Variants in KLHL2 observed in about 807,000 individuals in gnomAD.
The protein encoded by KLHL2 is kelch-like protein 2.
A neutral mutation model predicts 75.8 loss-of-function variants in KLHL2; 15 were observed. The ratio of observed to expected loss-of-function variants is 0.20; its 90% CI spans 0.13 to 0.30. The LOEUF (loss-of-function observed/expected upper bound fraction) is 0.30. KLHL2 is among the 10% of genes least tolerant of loss of function. KLHL2 has a pLI of 1.00. For missense variants in KLHL2, 381 were observed against 741.0 expected, an observed-to-expected ratio of 0.51 and a Z score of 5.64; for synonymous variants, 214 against 251.9, an observed-to-expected ratio of 0.85 and a Z score of 1.42.
chr4:165,248,877 A>T (rs1002620332), intron 4 of KLHL2, among the ~76,000 whole-genome samples: 7 of 152,194 alleles, frequency 4.6e-5, no homozygotes, highest in Non-Finnish European at 7.3e-5. Context: ...AACAGTAGAG[A>T]TGTAACTGAA....
chr4:165,219,697 T>A (rs1737832621), intron 1 of KLHL2: 2 of 1,279,294 alleles, frequency 1.6e-6, no homozygotes, highest in Non-Finnish European at 2.0e-6. Context: ...TGTGTTGATC[T>A]TTGACGGAAC....
chr4:165,228,884 G>A lies in KLHL2; in HGVS notation c.230G>A (p.Cys77Tyr), dbSNP rs1448844067. 1 of 1,610,984 alleles carries A rather than the reference G, an allele frequency of 6.2e-7. No individual in the cohort carries two copies. The highest frequency in any genetic ancestry group is 1.7e-5 in the Admixed American group (1 of 59,956). ...ISAHRVVLAA[C>Y]SPYFHAMFTG... is the part of the protein sequence containing the mutation. ...GCTCATAGAGTGGTGCTGGCCGCCT[G>A]TAGTCCTTATTTTCATGCCATGTTT... Residue 77 changes from cysteine (C) to tyrosine (Y), a missense_variant, in exon 3 of 15, where the codon TGT (cysteine) becomes TAT (tyrosine). Cys to Tyr is a radical substitution (Grantham distance 194). Coordinates refer to ENST00000226725, the MANE Select transcript of KLHL2 (RefSeq NM_007246.4).
chr4:165,264,605 T>TATATATATATATATAC (rs757273597), intron 5 of KLHL2, among the ~76,000 whole-genome samples: 1,246 of 123,922 alleles, frequency 0.01, 16 homozygotes, highest in African/African-American at 0.033. Flanking sequence ...TATATATATA[T>TATATATATATATATAC]ACACACACAC....
At chr4:165,253,825 G>T (rs981841395) in intron 4 of KLHL2, among the ~76,000 whole-genome samples, 2 of 152,236 alleles carry the variant, frequency 1.3e-5, no homozygotes, top group African/African-American at 4.8e-5. Context: ...ACATATTTGT[G>T]AGAGTCATCT....
At chr4:165,296,697 G>C (rs1037580348) in intron 6 of KLHL2, among the ~76,000 whole-genome samples, 1 of 152,174 alleles carries the variant, frequency 6.6e-6, no homozygotes, top group African/African-American at 2.4e-5. Flanking sequence ...TAGAAGCAGG[G>C]GGGAGAGAAG....
chr4:165,255,314 C>G (rs1741074373), intron 4 of KLHL2, among the ~76,000 whole-genome samples: 1 of 152,046 alleles, frequency 6.6e-6, no homozygotes, highest in Non-Finnish European at 1.5e-5. Context: ...GTTAAAAACC[C>G]CTAGAAGGGA....
At chr4:165,220,548 T>C (rs1737903458) in intron 2 of KLHL2, among the ~76,000 whole-genome samples, 1 of 152,184 alleles carries the variant, frequency 6.6e-6, no homozygotes, top group African/African-American at 2.4e-5. Flanking sequence ...AGTGAGACTC[T>C]GTCCCTATTT....
At chr4:165,260,579 G>A (rs77195703) in intron 4 of KLHL2, among the ~76,000 whole-genome samples, 1 of 131,246 alleles carries the variant, frequency 7.6e-6, no homozygotes, top group Non-Finnish European at 1.7e-5. Context: ...TGTGTGTGTG[G>A]GGGGGGTGTA....
chr4:165,259,262 C>G (rs1429918618), intron 4 of KLHL2, among the ~76,000 whole-genome samples: 5 of 152,032 alleles, frequency 3.3e-5, no homozygotes, highest in Non-Finnish European at 7.4e-5. Context: ...ACCACCATGC[C>G]CAGCTAATTT....
chr4:165,240,150 C>T (rs570552110), intron 4 of KLHL2, among the ~76,000 whole-genome samples: 22 of 152,250 alleles, frequency 1.4e-4, no homozygotes, highest in Non-Finnish European at 3.2e-4. Flanking sequence ...GCCAAATTGC[C>T]ATCTGAAAAT....
chr4:165,285,995 A>G (rs1022671342), intron 5 of KLHL2, among the ~76,000 whole-genome samples: 1 of 152,176 alleles, frequency 6.6e-6, no homozygotes, highest in Non-Finnish European at 1.5e-5. Context: ...AAAGGTTCTC[A>G]GATTGGGCAA....
At chr4:165,227,394 C>T (rs902329045) in intron 2 of KLHL2, among the ~76,000 whole-genome samples, 6 of 152,110 alleles carry the variant, frequency 3.9e-5, no homozygotes, top group Non-Finnish European at 7.4e-5. Flanking sequence ...TTGGCATGAA[C>T]TTTATGGGAA....
At chr4:165,214,390 C>G (rs1251450552) in intron 1 of KLHL2, among the ~76,000 whole-genome samples, 2 of 152,162 alleles carry the variant, frequency 1.3e-5, no homozygotes, top group African/African-American at 2.4e-5. Context: ...ATTGATCTTG[C>G]ATAAGACATG....
chr4:165,230,569 CTTT>C (rs35635891), intron 3 of KLHL2, among the ~76,000 whole-genome samples: 1 of 140,446 alleles, frequency 7.1e-6, no homozygotes, highest in Non-Finnish European at 1.6e-5. Flanking sequence ...AAGCTAGGCT[CTTT>C]TTTTTTTTTT....
intron 4 of KLHL2, among the ~76,000 whole-genome samples, chr4:165,260,651 T>G (rs1251805143): frequency 1.3e-5 from 2 of 152,156 alleles, no homozygotes; most frequent in African/African-American, 4.8e-5. Context: ...TTTTAGAAAT[T>G]ATCTCATTTA....
rs1482556492 is a variant in KLHL2 at position 165,311,576 on chromosome 4, A to T, written c.1339+11A>T. 1 of 1,592,680 alleles carries T rather than the reference A, an allele frequency of 6.3e-7. No homozygotes were observed. The highest frequency in any genetic ancestry group is 2.2e-5 in the East Asian group (1 of 44,730). On this transcript the variant is annotated intron_variant, in intron 11 of 14. Transcript: ENST00000226725. ...TGGGTGTTGTTGGAGGTAGGTGTTG[A>T]CAGTTCTTTCAGGTACATGTGGCAT...
intron 4 of KLHL2, among the ~76,000 whole-genome samples, chr4:165,247,454 T>G (rs1740354549): frequency 6.6e-6 from 1 of 152,196 alleles, no homozygotes; most frequent in Non-Finnish European, 1.5e-5. Context: ...ATGGGTAATA[T>G]TTTAAAGCAT....
chr4:165,285,276 GAATT>G (rs1744001137), intron 5 of KLHL2, among the ~76,000 whole-genome samples: 1 of 152,138 alleles, frequency 6.6e-6, no homozygotes, highest in Admixed American at 6.5e-5. Context: ...TACTGAGAAA[GAATT>G]AACAGGGTTT....
chr4:165,305,158 T>G (rs187720710), intron 8 of KLHL2, among the ~76,000 whole-genome samples: 1 of 152,292 alleles, frequency 6.6e-6, no homozygotes, highest in Admixed American at 6.5e-5. Context: ...CATCTTTCTT[T>G]TAATACTTAC....
Sources: allele counts gnomAD v4.1 joint callset (sites outside exome capture counted in the v4.1 genomes callset), GRCh38; gene constraint gnomAD v4.1.1; transcripts MANE v1.5; gene names NCBI Gene and HGNC (gene_info 2026-07-23, HGNC 2026-07-21).